The following ORAI2 variants were observed in gnomAD, a reference collection of about 807,000 sequenced individuals.
ORAI2 encodes the protein ORAI calcium release-activated calcium modulator 2, also known as protein orai-2.
ORAI2 carries 10 observed loss-of-function variants against 16.2 expected under a neutral mutation model. The ratio of observed to expected loss-of-function variants is 0.62; its 90% confidence interval spans 0.38 to 1.04. The LOEUF (loss-of-function observed/expected upper bound fraction) is 1.04. ORAI2 is among the 50% of genes least tolerant of loss of function. The pLI, the probability that ORAI2 is intolerant of heterozygous loss-of-function variation, is 0.01. For synonymous variants in ORAI2, 150 were observed against 157.5 expected (o/e 0.95, Z 0.35); for missense variants, 238 against 355.5 (o/e 0.67, Z 2.66).
intron 2 of ORAI2, among the ~76,000 whole-genome samples, chr7:102,436,549 C>T (rs1280807314): frequency 2.0e-5 from 3 of 152,080 alleles, no homozygotes; most frequent in African/African-American, 7.2e-5. Flanking sequence ...GGCATTTCCT[C>T]AGCTGCTGAC....
chr7:102,451,266 C>T lies in ORAI2; in HGVS notation c.*4214C>T, dbSNP rs1286772975. On this transcript the variant is annotated 3_prime_UTR_variant, in exon 4 of 4. Coordinates refer to ENST00000495936, the MANE Select transcript of ORAI2 (RefSeq NM_001126340.3). ...GCCCGGGAGCCAGCCAGGGCCCATC[C>T]TAATTTGGAGCACAGTCTTCCTGGT... The T allele has an allele frequency of 6.6e-6, 1 of 152,056 alleles. No individual in the cohort carries two copies. Among genetic ancestry groups the T allele is most frequent in the Non-Finnish European group, 1.5e-5 (1 of 68,054 alleles). 9.4% of individuals were successfully genotyped at this position (152,056 alleles called of 1,614,324 possible).
chr7:102,443,568 G>C (rs1322120471), intron 3 of ORAI2, among the ~76,000 whole-genome samples: 1 of 151,970 alleles, frequency 6.6e-6, no homozygotes, highest in African/African-American at 2.4e-5. Context: ...GGTGACCATA[G>C]CCAACCCAGG....
At position 102,447,097 on chromosome 7, in the gene ORAI2, C is replaced by T. The variant is rs556596686; in HGVS notation, c.*45C>T. The T allele has an allele frequency of 5.7e-5, 84 of 1,469,552 alleles. No individual in the cohort carries two copies. The African/African-American group carries it at 8.8e-4, about 15-fold the overall frequency. The allele number at this position is 1,469,552 out of a possible 1,614,324, so 91.0% of individuals were successfully genotyped here. A position where few individuals can be genotyped will look rare whatever the true frequency, so the allele number is the denominator to read the frequency against. On this transcript the variant is annotated 3_prime_UTR_variant, in exon 4 of 4. Transcript: ENST00000495936. ...GGGAGCGGCCCTGTGCCCGGGAGTC[C>T]GCAGAGGCGGGGATTTGTCAGATGC...
Position 102,447,158 on chromosome 7 carries a change from A to G in ORAI2, c.*106A>G, listed in dbSNP as rs1427138477. On this transcript the variant is annotated 3_prime_UTR_variant, in exon 4 of 4. Coordinates refer to ENST00000495936, the MANE Select transcript of ORAI2 (RefSeq NM_001126340.3). ...CAAGGCTGCCGGGTAGTTCAAGACCAAAGTTTTCCTCTTGTCTTAATACCA... is the reference window on the plus strand; with the variant it reads ...CAAGGCTGCCGGGTAGTTCAAGACCGAAGTTTTCCTCTTGTCTTAATACCA... 8.0e-7 allele frequency: 1 copy of G among 1,244,858 alleles called. No homozygotes were observed. The highest frequency in any genetic ancestry group is 1.1e-6 in the Non-Finnish European group (1 of 925,440). 77.1% of individuals were successfully genotyped at this position (1,244,858 alleles called of 1,614,324 possible).
chr7:102,437,062 C>T (rs1797078983), intron 2 of ORAI2, among the ~76,000 whole-genome samples: 1 of 152,218 alleles, frequency 6.6e-6, no homozygotes, highest in Admixed American at 6.5e-5. Flanking sequence ...GACCGCCAAT[C>T]CCCTACTTAG....
At position 102,453,624 on chromosome 7, in the gene ORAI2, G is replaced by A. The variant is rs1797579401; in HGVS notation, c.*6572G>A. On this transcript the variant is annotated 3_prime_UTR_variant, in exon 4 of 4. Coordinates refer to ENST00000495936, the MANE Select transcript of ORAI2 (RefSeq NM_001126340.3). ...CCTCGAGAAAGACTGCACTTCCGGT[G>A]GAGGCTGCAGTTTCCTTAAAGGGAA... 1 of 152,232 alleles carries A rather than the reference G, an allele frequency of 6.6e-6. No homozygotes were observed. The highest frequency in any genetic ancestry group is 2.4e-5 in the African/African-American group (1 of 41,458). The allele number at this position is 152,232 out of a possible 1,614,324, so 9.4% of individuals were successfully genotyped here.
In ORAI2 at chr7:102,452,623, G is replaced by T. The variant is rs1286162246; in HGVS notation, c.*5571G>T. ...ACCATGCCCAGCTAATGTTTTTTTT[G>T]TAGAGATGGGATCTTGCTATGTTGC... On this transcript the variant is annotated 3_prime_UTR_variant, in exon 4 of 4. Coordinates refer to ENST00000495936, the MANE Select transcript of ORAI2 (RefSeq NM_001126340.3). The T allele has an allele frequency of 6.6e-6, 1 of 151,212 alleles. No individual in the cohort carries two copies. Among genetic ancestry groups the T allele is most frequent in the Non-Finnish European group, 1.5e-5 (1 of 67,896 alleles). 9.4% of individuals were successfully genotyped at this position (151,212 alleles called of 1,614,324 possible). A position where few individuals can be genotyped will look rare whatever the true frequency, so the allele number is the denominator to read the frequency against.
chr7:102,441,296 C>T (rs943370534), intron 3 of ORAI2, among the ~76,000 whole-genome samples: 3 of 150,596 alleles, frequency 2.0e-5, no homozygotes, highest in Non-Finnish European at 4.4e-5. Flanking sequence ...AATCCCAGCA[C>T]TTTGGGAGGC....
At chr7:102,440,878 G>A (rs537431961) in intron 3 of ORAI2, among the ~76,000 whole-genome samples, 32 of 151,010 alleles carry the variant, frequency 2.1e-4, no homozygotes, top group African/African-American at 6.3e-4. Flanking sequence ...AACAATTATT[G>A]TTTTTCTTTT....
chr7:102,452,678 G>A lies in ORAI2; in HGVS notation c.*5626G>A, dbSNP rs1396368993. On this transcript the variant is annotated 3_prime_UTR_variant, in exon 4 of 4. Coordinates refer to ENST00000495936, the MANE Select transcript of ORAI2 (RefSeq NM_001126340.3). The stretch of plus-strand genomic sequence containing the variant: ...TCTGGTCTTGAACTTCTGGCCTCAA[G>A]CGACCCTCCTGCCTTGGCCTCCCAA... The A allele has an allele frequency of 6.6e-6, 1 of 152,122 alleles. No individual in the cohort carries two copies. Among genetic ancestry groups the A allele is most frequent in the Non-Finnish European group, 1.5e-5 (1 of 68,126 alleles). The allele number at this position is 152,122 out of a possible 1,614,324, so 9.4% of individuals were successfully genotyped here.
chr7:102,446,808 TC>T lies in ORAI2; in HGVS notation c.525del (p.Val176TrpfsTer128). The part of the protein sequence containing the change: ...EVVLLCWIKF[L>X]PVDARRQPGP... ...GTGCTGCTCTGCTGGATCAAGTTCC[TC>T]CCCGTGGATGCCCGGCGCCAGCCTG... On this transcript the variant is annotated frameshift_variant, in exon 4 of 4. Transcript: ENST00000495936. LOFTEE classifies it high-confidence loss of function. 6.2e-7 allele frequency: 1 copy of T among 1,613,984 alleles called. No individual in the cohort carries two copies. Among genetic ancestry groups the T allele is most frequent in the Non-Finnish European group, 8.5e-7 (1 of 1,180,022 alleles).
chr7:102,436,922 G>A (rs1049474036), intron 2 of ORAI2, among the ~76,000 whole-genome samples: 4 of 152,100 alleles, frequency 2.6e-5, no homozygotes, highest in African/African-American at 9.7e-5. Flanking sequence ...TGTTGGCCAG[G>A]CTGGAAAAGT....
intron 1 of ORAI2, chr7:102,434,830 C>A (rs552062300): frequency 2.0e-5 from 3 of 152,440 alleles, no homozygotes; most frequent in Admixed American, 2.0e-4. Flanking sequence ...CCCCCTCCAC[C>A]CCCCAGGTGG....
intron 3 of ORAI2, among the ~76,000 whole-genome samples, chr7:102,440,337 G>A (rs756868985): frequency 1.9e-4 from 29 of 152,098 alleles, no homozygotes; most frequent in African/African-American, 5.3e-4. Context: ...CCCAGCGGCC[G>A]CCTTCCTTCT....
chr7:102,434,029 T>G (rs1796993717), intron 1 of ORAI2, among the ~76,000 whole-genome samples: 1 of 149,732 alleles, frequency 6.7e-6, no homozygotes, highest in Admixed American at 6.7e-5. Context: ...TCTGGAAATG[T>G]GTCCAGTAGG....
At position 102,449,409 on chromosome 7, in the gene ORAI2, T is replaced by C. The variant is rs926308318; in HGVS notation, c.*2357T>C. The C allele has an allele frequency of 3.3e-5, 5 of 151,618 alleles. No homozygotes were observed. The highest frequency in any genetic ancestry group is 7.4e-5 in the Non-Finnish European group (5 of 67,890). The allele number at this position is 151,618 out of a possible 1,614,324, so 9.4% of individuals were successfully genotyped here. On this transcript the variant is annotated 3_prime_UTR_variant, in exon 4 of 4. Coordinates refer to ENST00000495936, the MANE Select transcript of ORAI2 (RefSeq NM_001126340.3). ...CGAGACCCCATGTCTAAAAAAATTA[T>C]TTTAAATTAGCCAGGCCGGGTGCAA...
chr7:102,442,893 G>A (rs1424040262), intron 3 of ORAI2, among the ~76,000 whole-genome samples: 1 of 150,306 alleles, frequency 6.7e-6, no homozygotes, highest in African/African-American at 2.5e-5. Context: ...GGTGGCGCAT[G>A]CCTGTAGTCC....
intron 3 of ORAI2, among the ~76,000 whole-genome samples, chr7:102,440,240 G>T (rs1296007706): frequency 6.6e-6 from 1 of 152,164 alleles, no homozygotes; most frequent in African/African-American, 2.4e-5. Context: ...AGATTGATTG[G>T]GGTTGGATCA....
chr7:102,441,429 A>G (rs1797195665), intron 3 of ORAI2, among the ~76,000 whole-genome samples: 2 of 150,212 alleles, frequency 1.3e-5, no homozygotes, highest in African/African-American at 4.9e-5. Context: ...AATCCCAGCT[A>G]CTCCAGAGGC....
Sources: allele counts gnomAD v4.1 joint callset (sites outside exome capture counted in the v4.1 genomes callset), GRCh38; gene constraint gnomAD v4.1.1; transcripts MANE v1.5; gene names NCBI Gene and HGNC (gene_info 2026-07-23, HGNC 2026-07-21).